The following MAGI2 variants were observed in gnomAD, a reference collection of about 807,000 sequenced individuals.
The protein encoded by MAGI2 is membrane associated guanylate kinase, WW and PDZ domain containing 2.
MAGI2 carries 35 observed loss-of-function variants against 133.3 expected under a neutral mutation model. That is an observed-to-expected ratio of 0.26 (90% CI 0.20 to 0.35). MAGI2 has a LOEUF of 0.35. Among genes scored for constraint, MAGI2 ranks in the 10% least tolerant of loss-of-function variants. MAGI2 has a pLI of 1.00. For synonymous variants in MAGI2, 729 were observed against 710.6 expected, an observed-to-expected ratio of 1.03 and a Z score of -0.41; for missense variants, 1,636 against 1,863.4, an observed-to-expected ratio of 0.88 and a Z score of 2.25.
intron 16 of MAGI2, among the ~76,000 whole-genome samples, chr7:78,148,225 A>G (rs1823514884): frequency 6.6e-6 from 1 of 152,200 alleles, no homozygotes; most frequent in South Asian, 2.1e-4. Flanking sequence ...TGAAACAAAT[A>G]TTGACACATG....
At chr7:79,081,618 T>C (rs2129541900) in intron 1 of MAGI2, among the ~76,000 whole-genome samples, 1 of 152,306 alleles carries the variant, frequency 6.6e-6, no homozygotes, top group South Asian at 2.1e-4. Context: ...CTAACAATTA[T>C]CTTGGATATG....
intron 1 of MAGI2, among the ~76,000 whole-genome samples, chr7:79,153,850 C>T (rs1398325704): frequency 2.0e-5 from 3 of 152,108 alleles, no homozygotes; most frequent in African/African-American, 4.8e-5. Context: ...CCACCTTTCA[C>T]TGTGATCTAG....
intron 1 of MAGI2, among the ~76,000 whole-genome samples, chr7:79,431,567 A>G (rs1847779791): frequency 6.6e-6 from 1 of 152,218 alleles, no homozygotes. Flanking sequence ...ACATGACACA[A>G]TACTGAAATT....
intron 10 of MAGI2, among the ~76,000 whole-genome samples, chr7:78,247,034 C>G (rs80130209): frequency 1.3e-5 from 2 of 152,148 alleles, no homozygotes; most frequent in African/African-American, 4.8e-5. Context: ...TCTTGAACCC[C>G]GGACCTCAGT....
At chr7:78,121,181 C>G (rs1166604500) in intron 20 of MAGI2, among the ~76,000 whole-genome samples, 1 of 150,190 alleles carries the variant, frequency 6.7e-6, no homozygotes, top group Non-Finnish European at 1.5e-5. Context: ...ACGTTTAAGA[C>G]CATGTCTTGG....
intron 2 of MAGI2, among the ~76,000 whole-genome samples, chr7:78,705,277 C>CGAAGAG (rs1818525147): frequency 6.6e-6 from 1 of 151,958 alleles, no homozygotes; most frequent in Admixed American, 6.6e-5. Context: ...AGGGGCTCTT[C>CGAAGAG]CCCCTTCACT....
intron 9 of MAGI2, among the ~76,000 whole-genome samples, chr7:78,330,360 G>C (rs1489953493): frequency 2.7e-5 from 1 of 36,994 alleles, no homozygotes; most frequent in East Asian, 3.5e-4. Flanking sequence ...GCTCACGCCT[G>C]TAATCCCAGC....
At chr7:78,847,633 C>G (rs1175343934) in intron 2 of MAGI2, among the ~76,000 whole-genome samples, 2 of 151,926 alleles carry the variant, frequency 1.3e-5, no homozygotes, top group African/African-American at 4.8e-5. Context: ...AGATCTTGTA[C>G]TGGAGATAAA....
At chr7:78,823,580 C>CAAAA (rs1166858938) in intron 2 of MAGI2, among the ~76,000 whole-genome samples, 27 of 91,852 alleles carry the variant, frequency 2.9e-4, no homozygotes, top group East Asian at 6.8e-4. Context: ...GACTCCGTCT[C>CAAAA]AAAAAAAAAA....
chr7:78,618,463 C>T (rs981377960), intron 3 of MAGI2: 6 of 151,914 alleles, frequency 3.9e-5, no homozygotes, highest in African/African-American at 1.2e-4. Flanking sequence ...TGAAAATATG[C>T]ACCTAATTAT....
At chr7:78,883,302 C>A (rs1208460278) in intron 2 of MAGI2, among the ~76,000 whole-genome samples, 2 of 151,886 alleles carry the variant, frequency 1.3e-5, no homozygotes, top group Non-Finnish European at 2.9e-5. Flanking sequence ...CAAAAAACAC[C>A]AAGGAATACA....
intron 1 of MAGI2, among the ~76,000 whole-genome samples, chr7:79,339,719 T>C (rs923243223): frequency 6.6e-6 from 1 of 152,278 alleles, no homozygotes; most frequent in Admixed American, 6.6e-5. Context: ...TCTTGAGTTG[T>C]GGCACATTCT....
At chr7:78,051,056 A>G (rs1811956309) in intron 21 of MAGI2, among the ~76,000 whole-genome samples, 1 of 152,246 alleles carries the variant, frequency 6.6e-6, no homozygotes, top group African/African-American at 2.4e-5. Context: ...TCTGCGGATT[A>G]GTCACTGTTT....
At chr7:78,419,147 C>T (rs1798563950) in intron 6 of MAGI2, among the ~76,000 whole-genome samples, 1 of 152,150 alleles carries the variant, frequency 6.6e-6, no homozygotes, top group Non-Finnish European at 1.5e-5. Flanking sequence ...GTTCTAGTGT[C>T]TTGGCCCCTC....
intron 3 of MAGI2, among the ~76,000 whole-genome samples, chr7:78,567,749 T>A (rs1801096754): frequency 6.6e-6 from 1 of 152,084 alleles, no homozygotes; most frequent in South Asian, 2.1e-4. Flanking sequence ...ATATCTCCAA[T>A]CATTAAAACA....
intron 10 of MAGI2, among the ~76,000 whole-genome samples, chr7:78,224,693 A>C (rs1400959858): frequency 7.5e-6 from 1 of 134,202 alleles, no homozygotes; most frequent in Admixed American, 7.4e-5. Flanking sequence ...CAACAACGTA[A>C]ATTTTTTTTT....
At chr7:79,323,609 C>T (rs902173935) in intron 1 of MAGI2, among the ~76,000 whole-genome samples, 1 of 152,094 alleles carries the variant, frequency 6.6e-6, no homozygotes, top group Non-Finnish European at 1.5e-5. Context: ...GAAATTAAAA[C>T]ATTCAGAAAG....
In MAGI2 at chr7:79,011,924, C is replaced by CTTTCTTTCTTT. The variant is rs1808170160; in HGVS notation, c.302-4719_302-4718insAAAGAAAGAAA. Among the ~76,000 whole-genome samples, 175 of 121,272 alleles carry CTTTCTTTCTTT rather than the reference C, an allele frequency of 1.4e-3. 1 individual carries two copies. The highest frequency in any genetic ancestry group is 5.9e-3 in the East Asian group (24 of 4,068). 79.6% of individuals were successfully genotyped at this position (121,272 alleles called of 152,430 possible). ...TCCTTCCTTCCTTCCTTCCTTCCTTCCTTTCTTTCTTTCTTTCTTTCTTTC... is the reference window on the plus strand; with the variant it reads ...TCCTTCCTTCCTTCCTTCCTTCCTTCTTTCTTTCTTTCTTTCTTTCTTTCTTTCTTTCTTTC... On this transcript the variant is annotated intron_variant, in intron 1 of 21. Transcript: ENST00000354212.
chr7:78,111,027 ACTGAGTGACTCCC>A (rs1819307682), intron 20 of MAGI2, among the ~76,000 whole-genome samples: 1 of 152,170 alleles, frequency 6.6e-6, no homozygotes, highest in South Asian at 2.1e-4. Flanking sequence ...AACTGGGCAA[ACTGAGTGACTCCC>A]CTGCTCATCT....
Sources: gnomAD v4.1 joint callset for allele counts (sites outside exome capture counted in the v4.1 genomes callset) on GRCh38, gnomAD v4.1.1 for gene constraint, MANE v1.5 for transcripts, NCBI Gene and HGNC (gene_info 2026-07-23, HGNC 2026-07-21) for gene names.